Variants in ATP10D observed in about 807,000 individuals in gnomAD.
The protein encoded by ATP10D is ATPase phospholipid transporting 10D (putative).
In ATP10D, 89 loss-of-function variants were observed where a neutral mutation model predicts 144.8. The ratio of observed to expected loss-of-function variants is 0.61; its 90% CI spans 0.52 to 0.73. The LOEUF (loss-of-function observed/expected upper bound fraction) is 0.73, where lower values mean the gene tolerates loss of function less well. Among genes scored for constraint, ATP10D ranks in the 30% least tolerant of loss-of-function variants. ATP10D has a pLI of 0.00. For missense variants in ATP10D, 1,603 were observed against 1,714.8 expected (o/e 0.93, Z 1.15); for synonymous variants, 571 against 615.1 (o/e 0.93, Z 1.06).
chr4:47,535,421 G>T, intron 5 of ATP10D, 88 bp from the exon 6 acceptor site: 1 of 1,040,722 alleles, frequency 9.6e-7, no homozygotes. Context: ...TTTACTCCAA[G>T]TCAAAAACAT....
intron 1 of ATP10D, among the ~76,000 whole-genome samples, chr4:47,496,587 A>G (rs1715388033): frequency 1.3e-5 from 2 of 152,198 alleles, no homozygotes; most frequent in South Asian, 4.1e-4. Context: ...CCCCAAAACT[A>G]TATGAATGTA....
intron 9 of ATP10D, among the ~76,000 whole-genome samples, chr4:47,544,230 G>A (rs1577667839): frequency 1.3e-5 from 2 of 152,196 alleles, no homozygotes; most frequent in South Asian, 4.1e-4. Flanking sequence ...ATGATTAAAT[G>A]AGGCAAGTGC....
At chr4:47,560,043 A>G (rs1719213720) in intron 13 of ATP10D, among the ~76,000 whole-genome samples, 1 of 152,048 alleles carries the variant, frequency 6.6e-6, no homozygotes, top group South Asian at 2.1e-4. Context: ...CCCCACACAC[A>G]GTTAAAGGAA....
chr4:47,520,105 T>A (rs551916520), intron 3 of ATP10D, among the ~76,000 whole-genome samples: 10 of 152,216 alleles, frequency 6.6e-5, no homozygotes, highest in Non-Finnish European at 1.5e-4. Flanking sequence ...ATGTTACTTC[T>A]TATATTTGCA....
At chr4:47,559,973 C>T (rs1005635370) in intron 13 of ATP10D, among the ~76,000 whole-genome samples, 6 of 152,148 alleles carry the variant, frequency 3.9e-5, no homozygotes, top group African/African-American at 1.2e-4. Flanking sequence ...GCACTCCAGC[C>T]TGGACGACAG....
chr4:47,584,507 C>G (rs535673752), intron 21 of ATP10D, among the ~76,000 whole-genome samples: 3 of 152,280 alleles, frequency 2.0e-5, no homozygotes, highest in Admixed American at 2.0e-4. Context: ...ATTCTTCTGC[C>G]TCAGCCTCCC....
In ATP10D at chr4:47,515,667, G is replaced by A. The variant is rs1428472104; in HGVS notation, c.482G>A (p.Ser161Asn). Residue 161 changes from serine to asparagine, a missense_variant, in exon 3 of 23, where the codon AGT becomes AAT. By Grantham distance (46) the Ser-to-Asn change is conservative. Coordinates refer to ENST00000273859, the MANE Select transcript of ATP10D (RefSeq NM_020453.4). The part of the protein sequence containing the change: ...QINNLITKVY[S>N]RKEKKYIDRC... ...AATAATTTAATAACTAAAGTTTATA[G>A]TAGGTAAGTGTAATGGGACCTTTGC... The A allele has an allele frequency of 2.5e-6, 4 of 1,585,022 alleles. No homozygotes were observed. Among genetic ancestry groups the A allele is most frequent in the Non-Finnish European group, 3.5e-6 (4 of 1,154,578 alleles).
At chr4:47,576,390 A>C (rs888431927) in intron 18 of ATP10D, among the ~76,000 whole-genome samples, 2 of 152,114 alleles carry the variant, frequency 1.3e-5, no homozygotes, top group Admixed American at 1.3e-4. Flanking sequence ...ATTTCATATA[A>C]ATTTTGGGAT....
Position 47,539,037 on chromosome 4 carries a change from C to T in ATP10D, c.1396+2099C>T, listed in dbSNP as rs546100506. On this transcript the variant is annotated intron_variant, in intron 9 of 22. Transcript: ENST00000273859. ...TTAATCATAGCATAGTCACAAGGTG[C>T]ATCTACCACGGGGGACAGGACTATT... is the stretch of plus-strand genomic sequence containing the variant. Among the ~76,000 whole-genome samples the T allele has an allele frequency of 1.6e-4, 25 of 152,326 alleles. No individual in the cohort carries two copies. The South Asian group carries it at 3.7e-3, about 23-fold the overall frequency.
At chr4:47,565,111 A>G (rs1161138788) in intron 15 of ATP10D, among the ~76,000 whole-genome samples, 1 of 152,112 alleles carries the variant, frequency 6.6e-6, no homozygotes, top group African/African-American at 2.4e-5. Flanking sequence ...GGCTCCCGAC[A>G]CCACGCCCGG....
At chr4:47,568,793 C>T (rs1454246846) in intron 15 of ATP10D, 44 bp from the exon 16 acceptor site, 2 of 1,549,566 alleles carry the variant, frequency 1.3e-6, no homozygotes, top group Admixed American at 1.9e-5. Context: ...GGTTCTGACA[C>T]CAAGGGCGCC....
chr4:47,566,926 A>G (rs1719667986), intron 15 of ATP10D, among the ~76,000 whole-genome samples: 1 of 152,250 alleles, frequency 6.6e-6, no homozygotes, highest in Admixed American at 6.5e-5. Context: ...CATAGGACAC[A>G]TCACAGCCTT....
In ATP10D at chr4:47,576,846, T is replaced by C. The variant is rs139349772; in HGVS notation, c.3440T>C (p.Val1147Ala). Residue 1147 changes from valine to alanine, a missense_variant, in exon 19 of 23, where the codon GTT (valine) becomes GCT (alanine). Coordinates refer to ENST00000273859, the MANE Select transcript of ATP10D (RefSeq NM_020453.4). Reference protein sequence around the residue: ...FSGTSMTDYWVLIFFNLLFTS... With the variant: ...FSGTSMTDYWALIFFNLLFTS... ...GGAACATCCATGACTGATTACTGGG[T>C]TTTGATCTTCTTCAACCTCCTCTTC... is the stretch of plus-strand genomic sequence containing the variant. 195 of 1,614,182 alleles carry C rather than the reference T, an allele frequency of 1.2e-4. No homozygotes were observed. The African/African-American group carries it at 2.4e-3, about 20-fold the overall frequency.
intron 10 of ATP10D, among the ~76,000 whole-genome samples, chr4:47,548,418 A>G (rs1275778714): frequency 6.6e-6 from 1 of 152,178 alleles, no homozygotes. Context: ...AGCTCTGTTT[A>G]CACCGTCCCT....
At chr4:47,548,429 C>T (rs73237095) in intron 10 of ATP10D, among the ~76,000 whole-genome samples, 19,763 of 152,174 alleles carry the variant, frequency 0.13, 1,621 homozygotes, top group Non-Finnish European at 0.19. Flanking sequence ...CACCGTCCCT[C>T]CGTCCCTCCG....
chr4:47,491,419 A>T (rs1715076984), intron 1 of ATP10D: 2 of 722,134 alleles, frequency 2.8e-6, no homozygotes, highest in Non-Finnish European at 2.5e-6. Flanking sequence ...GGCCTAGAGA[A>T]CATGTATGGG....
intron 18 of ATP10D, among the ~76,000 whole-genome samples, chr4:47,576,215 G>T (rs74703925): frequency 0.026 from 3,977 of 152,156 alleles, 162 homozygotes; most frequent in African/African-American, 0.092. Flanking sequence ...CTTTTATAAA[G>T]AAACTGATTC....
chr4:47,503,083 TC>T (rs1399686596), intron 1 of ATP10D, among the ~76,000 whole-genome samples: 2 of 152,094 alleles, frequency 1.3e-5, no homozygotes, highest in Non-Finnish European at 2.9e-5. Context: ...ATGCCTGTAA[TC>T]CCAGCTACTC....
chr4:47,585,380 G>T (rs985748551), intron 21 of ATP10D, among the ~76,000 whole-genome samples: 1 of 151,826 alleles, frequency 6.6e-6, no homozygotes, highest in Non-Finnish European at 1.5e-5. Flanking sequence ...TACATAGTAG[G>T]TGTATATATT....
Sources: allele counts gnomAD v4.1 joint callset (sites outside exome capture counted in the v4.1 genomes callset), GRCh38; gene constraint gnomAD v4.1.1; transcripts MANE v1.5; gene names NCBI Gene and HGNC (gene_info 2026-07-23, HGNC 2026-07-21).